CAMK1D: variants seen among roughly 807,000 people sequenced by gnomAD.
CAMK1D encodes calcium/calmodulin-dependent protein kinase type 1D.
A neutral mutation model predicts 47.7 loss-of-function variants in CAMK1D; 9 were observed. That is an observed-to-expected ratio of 0.19 (90% CI 0.11 to 0.33). The LOEUF (loss-of-function observed/expected upper bound fraction) is 0.33. Ranked by LOEUF, CAMK1D falls within the 10% of genes least tolerant of loss-of-function variation. CAMK1D has a pLI of 1.00. For missense variants in CAMK1D, 291 were observed against 488.7 expected, an observed-to-expected ratio of 0.60 and a Z score of 3.81; for synonymous variants, 184 against 184.9, an observed-to-expected ratio of 0.99 and a Z score of 0.04.
chr10:12,524,170 T>C (rs1390733213), intron 1 of CAMK1D, among the ~76,000 whole-genome samples: 1 of 151,722 alleles, frequency 6.6e-6, no homozygotes, highest in Non-Finnish European at 1.5e-5. Flanking sequence ...TTTCACGTTG[T>C]TAGCCAGGAT....
At position 12,824,610 on chromosome 10, in the gene CAMK1D, C is replaced by T; in HGVS notation, c.921+58C>T. ...TTAACCCCCTCGTGACACTGGCCCTCCAATCTGAGCATTTCTGAAATCCCC... is the reference window on the plus strand; with the variant it reads ...TTAACCCCCTCGTGACACTGGCCCTTCAATCTGAGCATTTCTGAAATCCCC... On this transcript the variant is annotated intron_variant, in intron 9 of 10. Coordinates refer to ENST00000619168, the MANE Select transcript of CAMK1D (RefSeq NM_153498.4). The T allele has an allele frequency of 4.5e-6, 6 of 1,334,562 alleles. No individual in the cohort carries two copies. The Middle Eastern group carries it at 1.1e-3, about 241-fold the overall frequency. 82.7% of individuals were successfully genotyped at this position (1,334,562 alleles called of 1,614,324 possible). A position where few individuals can be genotyped will look rare whatever the true frequency, so the allele number is the denominator to read the frequency against.
At chr10:12,381,927 G>GA (rs11315381) in intron 1 of CAMK1D, among the ~76,000 whole-genome samples, 23 of 150,546 alleles carry the variant, frequency 1.5e-4, no homozygotes, top group Non-Finnish European at 2.4e-4. Flanking sequence ...CGTTTTAAAA[G>GA]AAAAAAAAAC....
intron 1 of CAMK1D, among the ~76,000 whole-genome samples, chr10:12,475,811 C>T (rs1320794406): frequency 3.3e-5 from 5 of 152,090 alleles, no homozygotes; most frequent in African/African-American, 7.2e-5. Flanking sequence ...TGGTTCTCCT[C>T]GCACTTGTAT....
intron 1 of CAMK1D, among the ~76,000 whole-genome samples, chr10:12,381,567 C>G (rs1028962552): frequency 2.6e-5 from 4 of 152,118 alleles, no homozygotes; most frequent in African/African-American, 9.7e-5. Flanking sequence ...CTCAGGTGAT[C>G]CGCCTGCCTT....
At chr10:12,583,890 A>G (rs1837738295) in intron 2 of CAMK1D, among the ~76,000 whole-genome samples, 1 of 151,952 alleles carries the variant, frequency 6.6e-6, no homozygotes, top group Non-Finnish European at 1.5e-5. Flanking sequence ...GAACCACCAC[A>G]CCTGGCTGTG....
intron 8 of CAMK1D, 138 bp downstream of exon 8, chr10:12,816,466 T>C: frequency 1.5e-6 from 1 of 676,958 alleles, no homozygotes; most frequent in Non-Finnish European, 2.5e-6. Flanking sequence ...GCCAGTGACT[T>C]TCCTCCTCTC....
intron 2 of CAMK1D, among the ~76,000 whole-genome samples, chr10:12,583,664 C>T (rs532236630): frequency 1.2e-4 from 18 of 150,614 alleles, no homozygotes; most frequent in East Asian, 7.8e-4. Flanking sequence ...TGCAGTGGCG[C>T]GATCTCAGCT....
At chr10:12,488,197 C>T (rs1834273089) in intron 1 of CAMK1D, among the ~76,000 whole-genome samples, 1 of 151,650 alleles carries the variant, frequency 6.6e-6, no homozygotes, top group Non-Finnish European at 1.5e-5. Context: ...ATTTTTTTTT[C>T]TGAGGATGGA....
intron 2 of CAMK1D, among the ~76,000 whole-genome samples, chr10:12,659,292 C>A (rs1254674628): frequency 6.6e-6 from 1 of 152,152 alleles, no homozygotes; most frequent in Non-Finnish European, 1.5e-5. Context: ...GAAGTTTTAT[C>A]AGTTCTATAT....
intron 1 of CAMK1D, among the ~76,000 whole-genome samples, chr10:12,465,500 G>A (rs1027218017): frequency 9.9e-5 from 15 of 151,970 alleles, no homozygotes; most frequent in Admixed American, 4.6e-4. Flanking sequence ...GATTACAGGC[G>A]CCCACCACCA....
intron 2 of CAMK1D, among the ~76,000 whole-genome samples, chr10:12,577,446 C>G (rs1286371707): frequency 6.6e-6 from 1 of 152,208 alleles, no homozygotes. Flanking sequence ...CATTGCAGAG[C>G]ACATTGCTTT....
At chr10:12,625,196 C>T (rs1268948935) in intron 2 of CAMK1D, among the ~76,000 whole-genome samples, 4 of 151,606 alleles carry the variant, frequency 2.6e-5, no homozygotes, top group South Asian at 2.1e-4. Context: ...ATGAACTGGG[C>T]GTGGTGGTGC....
At chr10:12,499,558 G>T (rs567992993) in intron 1 of CAMK1D, among the ~76,000 whole-genome samples, 1 of 152,326 alleles carries the variant, frequency 6.6e-6, no homozygotes, top group East Asian at 1.9e-4. Context: ...GAGGCTCAGT[G>T]TCTGGGAGGT....
chr10:12,703,320 G>T (rs1346575561), intron 3 of CAMK1D, among the ~76,000 whole-genome samples: 2 of 152,202 alleles, frequency 1.3e-5, no homozygotes, highest in East Asian at 3.9e-4. Flanking sequence ...TCGGGTGAAA[G>T]ATTGGGTGAC....
At chr10:12,401,670 A>G (rs1441563814) in intron 1 of CAMK1D, among the ~76,000 whole-genome samples, 2 of 151,810 alleles carry the variant, frequency 1.3e-5, no homozygotes, top group Non-Finnish European at 2.9e-5. Flanking sequence ...GGAAGGCTTC[A>G]CAGAGGAGGT....
chr10:12,819,039 A>T (rs1158948539), intron 8 of CAMK1D, among the ~76,000 whole-genome samples: 4 of 152,310 alleles, frequency 2.6e-5, no homozygotes, highest in African/African-American at 9.6e-5. Context: ...AGAGGGAGGG[A>T]TGTGAGCCTA....
At position 12,514,415 on chromosome 10, in the gene CAMK1D, A is replaced by G. The variant is rs545625561; in HGVS notation, c.93-38810A>G. On this transcript the variant is annotated intron_variant, in intron 1 of 10. Transcript: ENST00000619168. ...AGAGCACTTACCACCACAATGATGA[A>G]AAGAATAATGTCCCTTCAGTTCTAG... Among the ~76,000 whole-genome samples the G allele has an allele frequency of 2.0e-5, 3 of 152,360 alleles. No individual in the cohort carries two copies. The South Asian group carries it at 6.2e-4, about 32-fold the overall frequency.
At chr10:12,811,481 T>C (rs1832604384) in intron 6 of CAMK1D, among the ~76,000 whole-genome samples, 1 of 152,234 alleles carries the variant, frequency 6.6e-6, no homozygotes, top group African/African-American at 2.4e-5. Flanking sequence ...CTTTTAAATC[T>C]TTTTTCTTAA....
In CAMK1D at chr10:12,830,964, C is replaced by CACACACACACACACA. The variant is rs529970088; in HGVS notation, c.*2078_*2079insCACACACACACACAA. ...ACACACACACACACACACACACACACAATGTTATTAGGCACAGCAGCTCCA... is the reference window on the plus strand; with the variant it reads ...ACACACACACACACACACACACACACACACACACACACACAAATGTTATTAGGCACAGCAGCTCCA... On this transcript the variant is annotated 3_prime_UTR_variant, in exon 11 of 11. Transcript: ENST00000619168. 2 of 89,730 alleles carry CACACACACACACACA rather than the reference C, an allele frequency of 2.2e-5. No individual in the cohort carries two copies. The highest frequency in any genetic ancestry group is 3.9e-5 in the African/African-American group (1 of 25,330). 5.6% of individuals were successfully genotyped at this position (89,730 alleles called of 1,614,324 possible).
Sources: allele counts gnomAD v4.1 joint callset (sites outside exome capture counted in the v4.1 genomes callset), GRCh38; gene constraint gnomAD v4.1.1; transcripts MANE v1.5; gene names NCBI Gene and HGNC (gene_info 2026-07-23, HGNC 2026-07-21).